The following FSTL5 variants were observed in gnomAD, a reference collection of about 807,000 sequenced individuals.
FSTL5 encodes the protein follistatin like 5.
In FSTL5, 62 loss-of-function variants were observed where a neutral mutation model predicts 89.1. The ratio of observed to expected loss-of-function variants is 0.70; its 90% CI spans 0.57 to 0.86. The LOEUF (loss-of-function observed/expected upper bound fraction) is 0.86, where lower values mean the gene tolerates loss of function less well. Ranked by LOEUF, FSTL5 falls within the 40% of genes least tolerant of loss-of-function variation. The pLI, the probability that FSTL5 is intolerant of heterozygous loss-of-function variation, is 0.00. For missense variants in FSTL5, 1,057 were observed against 1,001.6 expected (o/e 1.06, Z -0.75); for synonymous variants, 383 against 346.2 (o/e 1.11, Z -1.18).
chr4:161,472,120 G>C (rs532970992), intron 13 of FSTL5, among the ~76,000 whole-genome samples: 1 of 152,112 alleles, frequency 6.6e-6, no homozygotes, highest in East Asian at 1.9e-4. Flanking sequence ...GGGACTACAG[G>C]TGCTGGCCAC....
chr4:162,052,239 TA>T (rs899721802), intron 2 of FSTL5, among the ~76,000 whole-genome samples: 21 of 150,724 alleles, frequency 1.4e-4, no homozygotes, highest in African/African-American at 5.1e-4. Flanking sequence ...AGAAGAAAAA[TA>T]AAACTTACAT....
intron 6 of FSTL5, among the ~76,000 whole-genome samples, chr4:161,661,975 G>A (rs1321632383): frequency 6.6e-6 from 1 of 152,146 alleles, no homozygotes; most frequent in Non-Finnish European, 1.5e-5. Flanking sequence ...GTAACTCAGA[G>A]ATGAGATTAC....
chr4:161,945,484 T>C (rs1734708912), intron 3 of FSTL5, among the ~76,000 whole-genome samples: 1 of 152,222 alleles, frequency 6.6e-6, no homozygotes, highest in Non-Finnish European at 1.5e-5. Flanking sequence ...CCAGGAGCAG[T>C]GGCTCACGCC....
chr4:162,027,360 T>A (rs1737335219), intron 3 of FSTL5, among the ~76,000 whole-genome samples: 1 of 152,140 alleles, frequency 6.6e-6, no homozygotes, highest in African/African-American at 2.4e-5. Context: ...TTGGTTAATG[T>A]TTTATAGAAT....
chr4:161,767,717 G>A (rs1386229322), intron 5 of FSTL5, among the ~76,000 whole-genome samples: 1 of 152,048 alleles, frequency 6.6e-6, no homozygotes, highest in African/African-American at 2.4e-5. Context: ...TACCAGAATC[G>A]GTTACTGGTA....
chr4:161,539,884 C>T (rs993000785), intron 9 of FSTL5, among the ~76,000 whole-genome samples: 4 of 142,360 alleles, frequency 2.8e-5, no homozygotes, highest in Non-Finnish European at 6.0e-5. Context: ...TAAGATACGG[C>T]CTCCTCCAAA....
chr4:162,146,134 T>C (rs1235763061), intron 1 of FSTL5, among the ~76,000 whole-genome samples: 2 of 152,162 alleles, frequency 1.3e-5, no homozygotes, highest in Admixed American at 1.3e-4. Flanking sequence ...TTGTGGAACC[T>C]AAAGCTTAAC....
intron 5 of FSTL5, among the ~76,000 whole-genome samples, chr4:161,766,874 A>C (rs561782582): frequency 3.2e-4 from 48 of 151,328 alleles, no homozygotes; most frequent in African/African-American, 1.2e-3. Context: ...ATGGATATAC[A>C]GATACAGATA....
At chr4:161,908,823 A>C (rs953173169) in intron 4 of FSTL5, among the ~76,000 whole-genome samples, 1 of 152,146 alleles carries the variant, frequency 6.6e-6, no homozygotes, top group Non-Finnish European at 1.5e-5. Flanking sequence ...GCTTGCCTAC[A>C]GAATTAGTAA....
At chr4:161,787,384 G>C (rs1422741748) in intron 4 of FSTL5, among the ~76,000 whole-genome samples, 2 of 152,066 alleles carry the variant, frequency 1.3e-5, no homozygotes, top group African/African-American at 2.4e-5. Flanking sequence ...ATTGATAAAA[G>C]AGAACATTTG....
At chr4:162,062,244 C>T (rs1738741374) in intron 2 of FSTL5, among the ~76,000 whole-genome samples, 1 of 151,826 alleles carries the variant, frequency 6.6e-6, no homozygotes, top group South Asian at 2.1e-4. Context: ...TGAGTTTACT[C>T]TTTTTCGTAG....
intron 4 of FSTL5, among the ~76,000 whole-genome samples, chr4:161,906,073 A>G (rs371099008): frequency 2.6e-5 from 4 of 152,158 alleles, no homozygotes; most frequent in South Asian, 2.1e-4. Context: ...CACTGATATC[A>G]GGAATAATAA....
chr4:161,585,372 A>G (rs1004587489), intron 8 of FSTL5, among the ~76,000 whole-genome samples: 2 of 152,182 alleles, frequency 1.3e-5, no homozygotes, highest in African/African-American at 2.4e-5. Flanking sequence ...ATTTCAAGTC[A>G]GAATTCCTGA....
At chr4:161,650,059 T>C (rs536828700) in intron 7 of FSTL5, among the ~76,000 whole-genome samples, 15 of 152,322 alleles carry the variant, frequency 9.8e-5, no homozygotes, top group Admixed American at 2.0e-4. Flanking sequence ...TATAAAATAG[T>C]AAAGTCCTAG....
intron 2 of FSTL5, among the ~76,000 whole-genome samples, chr4:162,058,965 T>C (rs1281461843): frequency 6.6e-6 from 1 of 152,170 alleles, no homozygotes; most frequent in Non-Finnish European, 1.5e-5. Flanking sequence ...TCACTAATTC[T>C]TTACCCTTGG....
At chr4:161,403,098 G>C (rs1016673292) in intron 15 of FSTL5, among the ~76,000 whole-genome samples, 2 of 152,094 alleles carry the variant, frequency 1.3e-5, no homozygotes, top group Non-Finnish European at 2.9e-5. Flanking sequence ...CAAAGTGCTG[G>C]GATTACAGGC....
At chr4:161,426,986 A>G (rs1020872587) in intron 15 of FSTL5, among the ~76,000 whole-genome samples, 2 of 152,198 alleles carry the variant, frequency 1.3e-5, no homozygotes, top group African/African-American at 2.4e-5. Flanking sequence ...TAAAATGTAA[A>G]TAACATATTA....
At chr4:161,481,210 T>C in intron 12 of FSTL5, 41 bp from the exon 13 acceptor site, 3 of 1,496,234 alleles carry the variant, frequency 2.0e-6, no homozygotes. Context: ...ATACCTTAAA[T>C]TATAACACAT....
At chr4:162,017,448 C>G (rs1201618328) in intron 3 of FSTL5, among the ~76,000 whole-genome samples, 1 of 152,084 alleles carries the variant, frequency 6.6e-6, no homozygotes, top group Non-Finnish European at 1.5e-5. Context: ...TATCTGGTAC[C>G]TATGAGATGA....
Sources: allele counts gnomAD v4.1 joint callset (sites outside exome capture counted in the v4.1 genomes callset), GRCh38; gene constraint gnomAD v4.1.1; transcripts MANE v1.5; gene names NCBI Gene and HGNC (gene_info 2026-07-23, HGNC 2026-07-21).